Variants in SIX4 observed in about 807,000 individuals in gnomAD.
The protein encoded by SIX4 is homeobox protein SIX4.
A neutral mutation model predicts 51.5 loss-of-function variants in SIX4; 23 were observed. The observed-to-expected ratio is 0.45, with a 90% CI of 0.32 to 0.63. The LOEUF (loss-of-function observed/expected upper bound fraction) is 0.63, where lower values mean the gene tolerates loss of function less well. Among genes scored for constraint, SIX4 ranks in the 30% least tolerant of loss-of-function variants. The pLI, the probability that SIX4 is intolerant of heterozygous loss-of-function variation, is 0.04. For missense variants in SIX4, 867 were observed against 984.0 expected (o/e 0.88, Z 1.59); for synonymous variants, 413 against 417.3 (o/e 0.99, Z 0.13).
rs772416382 is a variant in SIX4, at chr14:60,719,834, T to G, written c.1475A>C (p.Asn492Thr). The G allele has an allele frequency of 6.2e-7, 1 of 1,614,240 alleles. No homozygotes were observed. Among genetic ancestry groups the G allele is most frequent in the Non-Finnish European group, 8.5e-7 (1 of 1,180,048 alleles). ...GIVQIPNSGA[N>T]SQFLNGSIGF... is the part of the protein sequence containing the mutation. ...AATGCTCCCATTAAGGAACTGGCTG[T>G]TTGCTCCGGAATTGGGGATCTGGAC... The change falls in exon 2 of 3, where the codon AAC becomes ACC. Residue 492 changes from asparagine (N) to threonine (T), a missense_variant. Asn to Thr is a moderately conservative substitution (Grantham distance 65). Coordinates refer to ENST00000216513, the MANE Select transcript of SIX4 (RefSeq NM_017420.5). This position sits in a 1 kb window ranked among gnomAD's most constrained non-coding sequence, Gnocchi z 4.9.
rs1896029424 is a variant in SIX4, at chr14:60,722,003, G to T, written c.863+1209C>A. On this transcript the variant is annotated intron_variant, in intron 1 of 2. Transcript: ENST00000216513. This position sits in a 1 kb window ranked among gnomAD's most constrained non-coding sequence, Gnocchi z 5.9. Reference sequence around the variant, plus strand: ...CCCGAGCCGTCGGACCCCCACAGGGGCCCAGAAGCGGCAAGGGCGGGCTGA... The same window carrying T: ...CCCGAGCCGTCGGACCCCCACAGGGTCCCAGAAGCGGCAAGGGCGGGCTGA... Among the ~76,000 whole-genome samples the T allele has an allele frequency of 6.6e-6, 1 of 152,238 alleles. No individual in the cohort carries two copies. The highest frequency in any genetic ancestry group is 6.5e-5 in the Admixed American group (1 of 15,294).
At position 60,722,864 on chromosome 14, in the gene SIX4, C is replaced by T. The variant is rs1259907099; in HGVS notation, c.863+348G>A. Among the ~76,000 whole-genome samples, 1 of 151,820 alleles carries T rather than the reference C, an allele frequency of 6.6e-6. No homozygotes were observed. The highest frequency in any genetic ancestry group is 1.5e-5 in the Non-Finnish European group (1 of 67,926). The stretch of plus-strand genomic sequence containing the variant: ...CGGTGTCCACATTTGCTTCGTTAGC[C>T]CCTCCAGAAACGGGGAGAGGGTGGC... On this transcript the variant is annotated intron_variant, in intron 1 of 2. Transcript: ENST00000216513. This position sits in a 1 kb window ranked among gnomAD's most constrained non-coding sequence, Gnocchi z 5.9.
At position 60,713,649 on chromosome 14, in the gene SIX4, C is replaced by T; in HGVS notation, c.2104G>A (p.Ala702Thr). Residue 702 changes from alanine (A) to threonine (T), a missense_variant, in exon 3 of 3, where the codon GCA becomes ACA. Coordinates refer to ENST00000216513, the MANE Select transcript of SIX4 (RefSeq NM_017420.5). Reference sequence around the variant, plus strand: ...TCTTGGACAAAATCCTGATGTACTGCTGGGGAGGGGTGACCTACCTGATCT... The same window carrying T: ...TCTTGGACAAAATCCTGATGTACTGTTGGGGAGGGGTGACCTACCTGATCT... ...AEDQVGHPSP[A>T]VHQDFVQEHR... 1 of 1,614,236 alleles carries T rather than the reference C, an allele frequency of 6.2e-7. No homozygotes were observed. Among genetic ancestry groups the T allele is most frequent in the Non-Finnish European group, 8.5e-7 (1 of 1,180,028 alleles).
intron 2 of SIX4, among the ~76,000 whole-genome samples, chr14:60,714,652 G>T (rs1428828302): frequency 1.3e-5 from 2 of 151,360 alleles, no homozygotes; most frequent in African/African-American, 4.9e-5. Flanking sequence ...CATGTCAAAG[G>T]TTCTGTTGCT....
chr14:60,716,111 C>A (rs1421119983), intron 2 of SIX4, among the ~76,000 whole-genome samples: 1 of 151,720 alleles, frequency 6.6e-6, no homozygotes, highest in Non-Finnish European at 1.5e-5. Context: ...AGTGATCTGC[C>A]AGCCTCGGTC....
intron 1 of SIX4, among the ~76,000 whole-genome samples, chr14:60,721,677 G>T (rs1451045288): frequency 2.0e-5 from 3 of 152,150 alleles, no homozygotes; most frequent in African/African-American, 7.2e-5. Context: ...GAGCGTGGGG[G>T]AGTCCCAGGG....
rs1193283708 is a variant in SIX4, at chr14:60,717,454, G to GAAAT, written c.1549+2302_1549+2305dup. Reference sequence around the variant, plus strand: ...TTTAGTTTATTGTGTGTATGTTTATGAAATTGTTTGCCAATGTATGCATGA... The same window carrying GAAAT: ...TTTAGTTTATTGTGTGTATGTTTATGAAATAAATTGTTTGCCAATGTATGCATGA... On this transcript the variant is annotated intron_variant, in intron 2 of 2. Coordinates refer to ENST00000216513, the MANE Select transcript of SIX4 (RefSeq NM_017420.5). The surrounding 1 kb of genome is among the most constrained non-coding windows in gnomAD (Gnocchi z 4.6). Among the ~76,000 whole-genome samples, 1 of 152,168 alleles carries GAAAT rather than the reference G, an allele frequency of 6.6e-6. No homozygotes were observed. The highest frequency in any genetic ancestry group is 1.9e-4 in the East Asian group (1 of 5,194).
rs946684410 is a variant in SIX4 at position 60,718,454 on chromosome 14, A to G, written c.1549+1306T>C. Among the ~76,000 whole-genome samples, 13 of 152,270 alleles carry G rather than the reference A, an allele frequency of 8.5e-5. No homozygotes were observed. In the East Asian group the frequency reaches 2.3e-3, roughly 27 times the overall value. Reference sequence around the variant, plus strand: ...AGTATTTCTACTTTTCTCCTCCCCCAACATACATAACTCATTCTTTCTGCT... The same window carrying G: ...AGTATTTCTACTTTTCTCCTCCCCCGACATACATAACTCATTCTTTCTGCT... On this transcript the variant is annotated intron_variant, in intron 2 of 2. Coordinates refer to ENST00000216513, the MANE Select transcript of SIX4 (RefSeq NM_017420.5).
At position 60,724,254 on chromosome 14, in the gene SIX4, A is replaced by C. The variant is rs1284587702; in HGVS notation, c.-180T>G. 1 of 1,534,886 alleles carries C rather than the reference A, an allele frequency of 6.5e-7. No homozygotes were observed. The highest frequency in any genetic ancestry group is 1.7e-4 in the Middle Eastern group (1 of 5,988). ...CAGGTTTCCCCCCGGCCACGCAGTC[A>C]CCATTAAGATAGCTGTTAGAGCAAA... On this transcript the variant is annotated 5_prime_UTR_variant, in exon 1 of 3. Transcript: ENST00000216513.
chr14:60,714,688 A>G (rs2140267030), intron 2 of SIX4, among the ~76,000 whole-genome samples: 1 of 149,090 alleles, frequency 6.7e-6, no homozygotes, highest in East Asian at 2.0e-4. Context: ...TTTTTTTCAG[A>G]TGGAGTCTCA....
chr14:60,719,649 A>G lies in SIX4; in HGVS notation c.1549+111T>C, dbSNP rs1242746551. On this transcript the variant is annotated intron_variant, in intron 2 of 2. Coordinates refer to ENST00000216513, the MANE Select transcript of SIX4 (RefSeq NM_017420.5). This position sits in a 1 kb window ranked among gnomAD's most constrained non-coding sequence, Gnocchi z 4.9. ...AGGCTACTCTACAGCTTCGGCAGCT[A>G]ATAAGGTACCTGAACAGAAACATCA... 9.4e-7 allele frequency: 1 copy of G among 1,058,792 alleles called. No homozygotes were observed. Among genetic ancestry groups the G allele is most frequent in the Non-Finnish European group, 1.4e-6 (1 of 737,922 alleles). The allele number at this position is 1,058,792 out of a possible 1,614,324, so 65.6% of individuals were successfully genotyped here. A position where few individuals can be genotyped will look rare whatever the true frequency, so the allele number is the denominator to read the frequency against.
chr14:60,723,086 G>C lies in SIX4; in HGVS notation c.863+126C>G, dbSNP rs902284067. The C allele has an allele frequency of 4.2e-6, 6 of 1,420,922 alleles. No individual in the cohort carries two copies. In the African/African-American group the frequency reaches 5.8e-5, roughly 14 times the overall value. 88.0% of individuals were successfully genotyped at this position (1,420,922 alleles called of 1,614,324 possible). Reference sequence around the variant, plus strand: ...CGGGGAGCGAGGTAGGGGGCGGGGAGAGGTGGGCAGCCGGACCAGGCTGGT... The same window carrying C: ...CGGGGAGCGAGGTAGGGGGCGGGGACAGGTGGGCAGCCGGACCAGGCTGGT... On this transcript the variant is annotated intron_variant, in intron 1 of 2. Coordinates refer to ENST00000216513, the MANE Select transcript of SIX4 (RefSeq NM_017420.5).
In SIX4 at chr14:60,719,813, C is replaced by T. The variant is rs1012956373; in HGVS notation, c.1496G>A (p.Ser499Asn). Residue 499 changes from serine to asparagine, a missense_variant, in exon 2 of 3, where the codon AGC becomes AAC. Ser to Asn is a conservative substitution (Grantham distance 46). Coordinates refer to ENST00000216513, the MANE Select transcript of SIX4 (RefSeq NM_017420.5). This position sits in a 1 kb window ranked among gnomAD's most constrained non-coding sequence, Gnocchi z 4.9. The part of the protein sequence containing the change: ...SGANSQFLNG[S>N]IGFSPLQLPP... ...CAGCTGCAGTGGAGAGAATCCAATGCTCCCATTAAGGAACTGGCTGTTTGC... is the reference window on the plus strand; with the variant it reads ...CAGCTGCAGTGGAGAGAATCCAATGTTCCCATTAAGGAACTGGCTGTTTGC... 2 of 1,614,194 alleles carry T rather than the reference C, an allele frequency of 1.2e-6. No homozygotes were observed. Among genetic ancestry groups the T allele is most frequent in the East Asian group, 2.2e-5 (1 of 44,894 alleles).
In SIX4 at chr14:60,724,108, C is replaced by T; in HGVS notation, c.-34G>A. 6.3e-7 allele frequency: 1 copy of T among 1,588,656 alleles called. No homozygotes were observed. The highest frequency in any genetic ancestry group is 8.6e-7 in the Non-Finnish European group (1 of 1,165,792). The stretch of plus-strand genomic sequence containing the variant: ...GTTTATTTTCCTCCCTCCCTCACTC[C>T]CTCGCACTCTTTTCCTCTTTCTTTC... On this transcript the variant is annotated 5_prime_UTR_variant, in exon 1 of 3. Coordinates refer to ENST00000216513, the MANE Select transcript of SIX4 (RefSeq NM_017420.5).
chr14:60,721,604 C>A (rs12896047), intron 1 of SIX4, among the ~76,000 whole-genome samples: 2,584 of 100,106 alleles, frequency 0.026, 35 homozygotes, highest in Non-Finnish European at 0.04. Flanking sequence ...GGCAACTGGG[C>A]CGGCGGCGGG....
In SIX4 at chr14:60,722,902, A is replaced by C; in HGVS notation, c.863+310T>G. 3.1e-5 allele frequency: 9 copies of C among 287,730 alleles called. No individual in the cohort carries two copies. Among genetic ancestry groups the C allele is most frequent in the Non-Finnish European group, 4.1e-5 (7 of 169,916 alleles). The allele number at this position is 287,730 out of a possible 1,614,324, so 17.8% of individuals were successfully genotyped here. A position where few individuals can be genotyped will look rare whatever the true frequency, so the allele number is the denominator to read the frequency against. ...GGGAGAGGGTGGCAACTTCAAAGCCAGCGGGATGGGGGTGGGAAGCTGGGC... is the reference window on the plus strand; with the variant it reads ...GGGAGAGGGTGGCAACTTCAAAGCCCGCGGGATGGGGGTGGGAAGCTGGGC... On this transcript the variant is annotated intron_variant, in intron 1 of 2. Coordinates refer to ENST00000216513, the MANE Select transcript of SIX4 (RefSeq NM_017420.5). The surrounding 1 kb of genome is among the most constrained non-coding windows in gnomAD (Gnocchi z 5.9).
Position 60,722,743 on chromosome 14 carries a change from G to A in SIX4, c.863+469C>T, listed in dbSNP as rs577794242. ...GAACCCTGGGGATCCGGGAGCGTGC[G>A]CGCGCGCCAGGCCCGGTGTGACCTC... On this transcript the variant is annotated intron_variant, in intron 1 of 2. Transcript: ENST00000216513. This position sits in a 1 kb window ranked among gnomAD's most constrained non-coding sequence, Gnocchi z 5.9. Among the ~76,000 whole-genome samples the A allele has an allele frequency of 1.3e-5, 2 of 152,026 alleles. No homozygotes were observed. Among genetic ancestry groups the A allele is most frequent in the African/African-American group, 4.8e-5 (2 of 41,424 alleles).
chr14:60,718,735 A>G (rs1014622996), intron 2 of SIX4, among the ~76,000 whole-genome samples: 7 of 152,234 alleles, frequency 4.6e-5, no homozygotes, highest in African/African-American at 1.7e-4. Context: ...AATGAAATTT[A>G]GAACAATTTT....
Position 60,717,087 on chromosome 14 carries a change from T to C in SIX4, c.1549+2673A>G. 1 of 326,330 alleles carries C rather than the reference T, an allele frequency of 3.1e-6. No individual in the cohort carries two copies. The highest frequency in any genetic ancestry group is 5.9e-6 in the Non-Finnish European group (1 of 168,168). The allele number at this position is 326,330 out of a possible 1,614,324, so 20.2% of individuals were successfully genotyped here. ...ATTTTTATTTATTTATTTATTTATT[T>C]TTGAGATAAGGGGTTTTGCTCTTGT... On this transcript the variant is annotated intron_variant, in intron 2 of 2. Coordinates refer to ENST00000216513, the MANE Select transcript of SIX4 (RefSeq NM_017420.5). The surrounding 1 kb of genome is among the most constrained non-coding windows in gnomAD (Gnocchi z 4.6).
Sources: gnomAD v4.1 joint callset for allele counts (sites outside exome capture counted in the v4.1 genomes callset) on GRCh38, gnomAD v4.1.1 for gene constraint, Gnocchi (gnomAD v3.1) non-coding constraint, MANE v1.5 for transcripts, NCBI Gene and HGNC (gene_info 2026-07-23, HGNC 2026-07-21) for gene names.